CNOT6L: variants seen among roughly 807,000 people sequenced by gnomAD.
CNOT6L encodes CCR4-NOT transcription complex subunit 6-like.
In CNOT6L, 7 loss-of-function variants were observed where a neutral mutation model predicts 64.0. The ratio of observed to expected loss-of-function variants is 0.11; its 90% CI spans 0.06 to 0.21. The LOEUF (loss-of-function observed/expected upper bound fraction) is 0.21. Ranked by LOEUF, CNOT6L falls within the 10% of genes least tolerant of loss-of-function variation. CNOT6L has a pLI of 1.00. For synonymous variants in CNOT6L, 193 were observed against 243.4 expected (o/e 0.79, Z 1.93); for missense variants, 245 against 669.0 (o/e 0.37, Z 6.99).
chr4:77,759,298 G>A (rs2110008871), intron 4 of CNOT6L, among the ~76,000 whole-genome samples: 1 of 151,952 alleles, frequency 6.6e-6, no homozygotes, highest in South Asian at 2.1e-4. Flanking sequence ...GGGCACGGTG[G>A]CTCACGCCTG....
intron 4 of CNOT6L, among the ~76,000 whole-genome samples, chr4:77,765,676 A>C (rs922288065): frequency 6.6e-6 from 1 of 152,182 alleles, no homozygotes; most frequent in South Asian, 2.1e-4. Context: ...GAATCAGTCT[A>C]CTATGGGCCT....
chr4:77,757,505 T>C (rs1202155161), intron 4 of CNOT6L, among the ~76,000 whole-genome samples: 1 of 152,190 alleles, frequency 6.6e-6, no homozygotes, highest in East Asian at 1.9e-4. Flanking sequence ...TACAGATTTA[T>C]CATACATCAA....
intron 10 of CNOT6L, among the ~76,000 whole-genome samples, 183 bp from the exon 11 acceptor site, chr4:77,726,552 G>C (rs544425959): frequency 6.6e-6 from 1 of 152,290 alleles, no homozygotes; most frequent in Admixed American, 6.5e-5. Context: ...TTTCATATGA[G>C]TCAAGCAAAT....
chr4:77,722,601 G>C (rs1411926041), intron 11 of CNOT6L, among the ~76,000 whole-genome samples: 1 of 152,122 alleles, frequency 6.6e-6, no homozygotes, highest in Non-Finnish European at 1.5e-5. Flanking sequence ...TCAACTGCTA[G>C]AGTTCTTTGC....
intron 1 of CNOT6L, among the ~76,000 whole-genome samples, chr4:77,810,186 A>G (rs1251029829): frequency 6.6e-6 from 1 of 152,118 alleles, no homozygotes; most frequent in Non-Finnish European, 1.5e-5. Context: ...CTATACATGA[A>G]AGACAAAAAT....
chr4:77,779,289 T>TC (rs1728579994), intron 1 of CNOT6L, among the ~76,000 whole-genome samples: 1 of 151,990 alleles, frequency 6.6e-6, no homozygotes, highest in South Asian at 2.1e-4. Flanking sequence ...TCTGCCACCT[T>TC]CCTCCCTTCC....
At chr4:77,765,050 A>G (rs1726668636) in intron 4 of CNOT6L, among the ~76,000 whole-genome samples, 1 of 152,186 alleles carries the variant, frequency 6.6e-6, no homozygotes, top group African/African-American at 2.4e-5. Flanking sequence ...GATACAGGTC[A>G]TAAAGACTTC....
At chr4:77,773,393 G>C (rs1334567756) in intron 3 of CNOT6L, among the ~76,000 whole-genome samples, 4 of 152,156 alleles carry the variant, frequency 2.6e-5, no homozygotes, top group African/African-American at 9.7e-5. Flanking sequence ...TCATTTGCTA[G>C]CTCACATTAA....
At chr4:77,756,665 C>A (rs996280892) in intron 5 of CNOT6L, among the ~76,000 whole-genome samples, 197 bp downstream of exon 5, 2 of 152,120 alleles carry the variant, frequency 1.3e-5, no homozygotes, top group Non-Finnish European at 2.9e-5. Flanking sequence ...CAACTAATCT[C>A]CTAACATATT....
Position 77,714,281 on chromosome 4 carries a change from G to A in CNOT6L, c.*6150C>T, listed in dbSNP as rs1720493357. ...AAATGAACCTTTCCCTACTCAAAAC[G>A]ATAAATTGAGTGGAAAAGTAGATTG... On this transcript the variant is annotated 3_prime_UTR_variant, in exon 12 of 12. Coordinates refer to ENST00000504123, the MANE Select transcript of CNOT6L (RefSeq NM_144571.3). 1 of 151,966 alleles carries A rather than the reference G, an allele frequency of 6.6e-6. No homozygotes were observed. Among genetic ancestry groups the A allele is most frequent in the Non-Finnish European group, 1.5e-5 (1 of 67,908 alleles). 9.4% of individuals were successfully genotyped at this position (151,966 alleles called of 1,614,324 possible). A position where few individuals can be genotyped will look rare whatever the true frequency, so the allele number is the denominator to read the frequency against.
At chr4:77,787,045 C>T (rs938989727) in intron 1 of CNOT6L, among the ~76,000 whole-genome samples, 1 of 151,948 alleles carries the variant, frequency 6.6e-6, no homozygotes, top group Non-Finnish European at 1.5e-5. Flanking sequence ...GTGGGCGGAT[C>T]ACCTGAGGTC....
At chr4:77,780,828 C>T (rs72652524) in intron 1 of CNOT6L, among the ~76,000 whole-genome samples, 18,366 of 152,106 alleles carry the variant, frequency 0.12, 1,537 homozygotes, top group Non-Finnish European at 0.17. Context: ...CTGGGCACAG[C>T]AGTATACTCC....
intron 10 of CNOT6L, among the ~76,000 whole-genome samples, chr4:77,727,626 A>G (rs1722019444): frequency 6.6e-6 from 1 of 151,234 alleles, no homozygotes; most frequent in Non-Finnish European, 1.5e-5. Flanking sequence ...CACAGATTGC[A>G]TAGTTCATAA....
intron 2 of CNOT6L, among the ~76,000 whole-genome samples, 172 bp downstream of exon 2, chr4:77,776,099 T>TG (rs1728109677): frequency 6.6e-6 from 1 of 152,160 alleles, no homozygotes; most frequent in Non-Finnish European, 1.5e-5. Context: ...TCTCAAAAAA[T>TG]GGAAACAAAG....
chr4:77,805,828 A>T (rs1321159534), intron 1 of CNOT6L, among the ~76,000 whole-genome samples: 2 of 152,236 alleles, frequency 1.3e-5, no homozygotes, highest in Non-Finnish European at 2.9e-5. Flanking sequence ...TCCATGAATT[A>T]GCAACAGGAA....
At chr4:77,819,374 C>G (rs1396077345), upstream of CNOT6L, 1 of 1,597,930 alleles carries the variant, frequency 6.3e-7, no homozygotes, top group Non-Finnish European at 8.5e-7. Flanking sequence ...CACACACAAA[C>G]ACGCGCGCGC....
chr4:77,773,984 T>C (rs4859877), intron 3 of CNOT6L, among the ~76,000 whole-genome samples: 41,310 of 152,036 alleles, frequency 0.27, 6,484 homozygotes, highest in East Asian at 0.48. Context: ...AAACACGTGA[T>C]AGCAATTTTT....
chr4:77,808,230 G>C (rs1233153750), intron 1 of CNOT6L, among the ~76,000 whole-genome samples: 1 of 152,120 alleles, frequency 6.6e-6, no homozygotes. Flanking sequence ...GGGAGGCTGA[G>C]GCAGGTGGAT....
intron 11 of CNOT6L, among the ~76,000 whole-genome samples, chr4:77,724,327 G>A (rs1288908709): frequency 6.8e-6 from 1 of 146,866 alleles, no homozygotes; most frequent in African/African-American, 2.5e-5. Context: ...GTGACAGAGT[G>A]AGACCCTGTC....
Sources: allele counts gnomAD v4.1 joint callset (sites outside exome capture counted in the v4.1 genomes callset), GRCh38; gene constraint gnomAD v4.1.1; transcripts MANE v1.5; gene names NCBI Gene and HGNC (gene_info 2026-07-23, HGNC 2026-07-21).